Variants in ZNF280B observed in about 807,000 individuals in gnomAD.
ZNF280B encodes the protein zinc finger protein 280B, also known as suppressor of hairy wing homolog 2.
In ZNF280B, 16 loss-of-function variants were observed where a neutral mutation model predicts 38.0. That is an observed-to-expected ratio of 0.42 (90% CI 0.28 to 0.64). The LOEUF is 0.64. ZNF280B is among the 30% of genes least tolerant of loss of function. The probability of loss-of-function intolerance (pLI) is 0.21; values close to 1 mark genes in which losing one functional copy is unlikely to be tolerated. For missense variants in ZNF280B, 581 were observed against 639.6 expected (o/e 0.91, Z 0.99); for synonymous variants, 253 against 230.6 (o/e 1.10, Z -0.88).
rs1190845998 is a variant in ZNF280B at position 22,491,451 on chromosome 22, TTTTTTC to T, written c.-68-1991_-68-1986del. Among the ~76,000 whole-genome samples the T allele has an allele frequency of 2.4e-3, 190 of 78,812 alleles. 1 individual carries two copies. The Middle Eastern group carries it at 0.036, about 15-fold the overall frequency. The allele number at this position is 78,812 out of a possible 152,430, so 51.7% of individuals were successfully genotyped here. ...AATTTTCTATTTCATTTTTCTTGTC[TTTTTTC>T]TTTTTTTTTTTTTTTTTTTGAGACG... On this transcript the variant is annotated intron_variant, in intron 3 of 3. Transcript: ENST00000626650.
At chr22:22,505,893 C>T (rs5751192) in intron 2 of ZNF280B, among the ~76,000 whole-genome samples, 22,557 of 151,850 alleles carry the variant, frequency 0.15, 1,967 homozygotes, top group South Asian at 0.29. Context: ...ATTGCTGTGG[C>T]TACTGTGTGG....
Position 22,489,371 on chromosome 22 carries a change from C to T in ZNF280B, c.28G>A (p.Glu10Lys). 1 of 1,605,714 alleles carries T rather than the reference C, an allele frequency of 6.2e-7. No homozygotes were observed. The highest frequency in any genetic ancestry group is 8.5e-7 in the Non-Finnish European group (1 of 1,177,220). MEQSCEEEKEPEPQKNIQET... is the reference protein window; with the variant it reads MEQSCEEEKKPEPQKNIQET... ...TGTATGTTCTTCTGTGGTTCAGGCTCTTTCTCTTCCTCACATGATTGTTCC... is the reference window on the plus strand; with the variant it reads ...TGTATGTTCTTCTGTGGTTCAGGCTTTTTCTCTTCCTCACATGATTGTTCC... The change falls in exon 4 of 4, where the codon GAG (glutamate) becomes AAG (lysine). Residue 10 changes from glutamate to lysine, a missense_variant. Transcript: ENST00000626650.
At position 22,489,158 on chromosome 22, in the gene ZNF280B, C is replaced by G; in HGVS notation, c.241G>C (p.Asp81His). The change falls in exon 4 of 4, where the codon GAT (aspartate) becomes CAT (histidine). Residue 81 changes from aspartate (D) to histidine (H), a missense_variant. Coordinates refer to ENST00000626650, the MANE Select transcript of ZNF280B (RefSeq NM_080764.4). ...RRKKYDHLRK[D>H]TARKLQPKSH... ...TTAGGCTGCAATTTGCGAGCAGTAT[C>G]TTTTCTAAGGTGATCATACTTTTTT... is the stretch of plus-strand genomic sequence containing the variant. 6.2e-7 allele frequency: 1 copy of G among 1,613,816 alleles called. No individual in the cohort carries two copies. Among genetic ancestry groups the G allele is most frequent in the Non-Finnish European group, 8.5e-7 (1 of 1,179,924 alleles).
rs897117104 is a variant in ZNF280B, at chr22:22,486,998, A to C, written c.*769T>G. The C allele has an allele frequency of 1.3e-5, 2 of 152,056 alleles. No homozygotes were observed. Among genetic ancestry groups the C allele is most frequent in the East Asian group, 2.0e-4 (1 of 5,100 alleles). 9.4% of individuals were successfully genotyped at this position (152,056 alleles called of 1,614,324 possible). On this transcript the variant is annotated 3_prime_UTR_variant, in exon 4 of 4. Coordinates refer to ENST00000626650, the MANE Select transcript of ZNF280B (RefSeq NM_080764.4). ...AATTCGGCAGCAAGTGGGCCAGGGC[A>C]TAACAAAGCCATTCCAGTCTGACTA...
chr22:22,505,669 G>A (rs2061923194), intron 2 of ZNF280B, among the ~76,000 whole-genome samples: 1 of 151,800 alleles, frequency 6.6e-6, no homozygotes, highest in Admixed American at 6.6e-5. Context: ...CTGAGGAGGA[G>A]AATCACTTGA....
chr22:22,500,796 T>A (rs2061800950), intron 2 of ZNF280B, among the ~76,000 whole-genome samples: 1 of 150,856 alleles, frequency 6.6e-6, no homozygotes, highest in Admixed American at 6.6e-5. Context: ...GAGGCGGAGG[T>A]TGCAGTGAGC....
Position 22,488,622 on chromosome 22 carries a change from C to A in ZNF280B, c.777G>T (p.Leu259Phe), listed in dbSNP as rs1320588208. The A allele has an allele frequency of 6.2e-7, 1 of 1,613,750 alleles. No individual in the cohort carries two copies. The highest frequency in any genetic ancestry group is 8.5e-7 in the Non-Finnish European group (1 of 1,179,950). The change falls in exon 4 of 4, where the codon TTG (leucine) becomes TTT (phenylalanine). Residue 259 changes from leucine (L) to phenylalanine (F), a missense_variant. Physicochemically the swap from Leu to Phe is conservative, Grantham distance 22 (BLOSUM62 0). Coordinates refer to ENST00000626650, the MANE Select transcript of ZNF280B (RefSeq NM_080764.4). ...TTAGACTCAAAATGTCTGTTTTTGC[C>A]AATTCATTTGCCCTATCAAGATTTG... Reference protein sequence around the residue: ...INTNLDRANELAKTDILSLTS... With the variant: ...INTNLDRANEFAKTDILSLTS...
intron 2 of ZNF280B, among the ~76,000 whole-genome samples, chr22:22,497,199 C>A (rs2061715366): frequency 9.6e-6 from 1 of 104,552 alleles, no homozygotes; most frequent in African/African-American, 3.7e-5. Flanking sequence ...GAATCTTGGT[C>A]TCCATCTTTA....
chr22:22,502,972 G>A (rs2061855514), intron 2 of ZNF280B, among the ~76,000 whole-genome samples: 1 of 151,912 alleles, frequency 6.6e-6, no homozygotes, highest in Non-Finnish European at 1.5e-5. Flanking sequence ...CATACTCTAG[G>A]AAAAGGTGAT....
chr22:22,500,077 C>G (rs2061785426), intron 2 of ZNF280B, among the ~76,000 whole-genome samples: 1 of 151,878 alleles, frequency 6.6e-6, no homozygotes, highest in South Asian at 2.1e-4. Flanking sequence ...AGTAGGATGA[C>G]TACTATTAAA....
At position 22,486,916 on chromosome 22, in the gene ZNF280B, G is replaced by T. The variant is rs2061509422; in HGVS notation, c.*851C>A. On this transcript the variant is annotated 3_prime_UTR_variant, in exon 4 of 4. Transcript: ENST00000626650. ...AGCTTCTCTTTCAATTCCACATCCT[G>T]GCTTTTCAGAATCTTTTCAGGTTAT... 6.6e-6 allele frequency: 1 copy of T among 151,898 alleles called. No homozygotes were observed. The highest frequency in any genetic ancestry group is 6.6e-5 in the Admixed American group (1 of 15,224). The allele number at this position is 151,898 out of a possible 1,614,324, so 9.4% of individuals were successfully genotyped here. A position where few individuals can be genotyped will look rare whatever the true frequency, so the allele number is the denominator to read the frequency against.
chr22:22,506,496 C>T (rs994072282), intron 2 of ZNF280B, among the ~76,000 whole-genome samples: 1 of 151,666 alleles, frequency 6.6e-6, no homozygotes, highest in Non-Finnish European at 1.5e-5. Context: ...CATTGGTGAC[C>T]TTGACAGCAG....
In ZNF280B at chr22:22,486,231, A is replaced by T. The variant is rs1417283688; in HGVS notation, c.*1536T>A. ...ATAAAGTTGCAAGCTTCACATGTTC[A>T]ATTAGGGTAAGATATATATGCACAG... On this transcript the variant is annotated 3_prime_UTR_variant, in exon 4 of 4. Coordinates refer to ENST00000626650, the MANE Select transcript of ZNF280B (RefSeq NM_080764.4). The T allele has an allele frequency of 6.6e-6, 1 of 152,092 alleles. No individual in the cohort carries two copies. Among genetic ancestry groups the T allele is most frequent in the East Asian group, 2.0e-4 (1 of 5,114 alleles). 9.4% of individuals were successfully genotyped at this position (152,092 alleles called of 1,614,324 possible).
chr22:22,506,315 A>T (rs561718135), intron 2 of ZNF280B, among the ~76,000 whole-genome samples: 20 of 135,428 alleles, frequency 1.5e-4, no homozygotes, highest in African/African-American at 5.9e-4. Context: ...AAAGGAAATT[A>T]AAAAAAAAAC....
intron 2 of ZNF280B, among the ~76,000 whole-genome samples, chr22:22,498,845 T>C (rs1208674069): frequency 8.2e-6 from 1 of 121,390 alleles, no homozygotes; most frequent in Non-Finnish European, 1.6e-5. Flanking sequence ...TCGCCCAGGC[T>C]GGAGTGCAGT....
At position 22,485,733 on chromosome 22, in the gene ZNF280B, C is replaced by T. The variant is rs1450946097; in HGVS notation, c.*2034G>A. ...AAAGGAGTGGGGAGAGATAAGGTAC[C>T]TTTAAAAAGAAATCAAGGAAAAAGG... is the stretch of plus-strand genomic sequence containing the variant. On this transcript the variant is annotated 3_prime_UTR_variant, in exon 4 of 4. Coordinates refer to ENST00000626650, the MANE Select transcript of ZNF280B (RefSeq NM_080764.4). The T allele has an allele frequency of 6.6e-6, 1 of 151,768 alleles. No individual in the cohort carries two copies. The highest frequency in any genetic ancestry group is 1.5e-5 in the Non-Finnish European group (1 of 68,002). The allele number at this position is 151,768 out of a possible 1,614,324, so 9.4% of individuals were successfully genotyped here.
intron 2 of ZNF280B, among the ~76,000 whole-genome samples, chr22:22,503,550 A>G (rs1475650019): frequency 6.6e-6 from 1 of 151,974 alleles, no homozygotes; most frequent in African/African-American, 2.4e-5. Context: ...GAATTAAGCT[A>G]GTATCAGGTG....
rs569374845 is a variant in ZNF280B at position 22,506,673 on chromosome 22, T to G, written c.-187+1137A>C. ...TGGTACAATCAGTATGTTTGCTATA[T>G]TAATGATCTGGAGAGATAGAAAACT... On this transcript the variant is annotated intron_variant, in intron 2 of 3. Coordinates refer to ENST00000626650, the MANE Select transcript of ZNF280B (RefSeq NM_080764.4). 4.6e-5 allele frequency among the ~76,000 whole-genome samples: 7 copies of G among 152,000 alleles called. No individual in the cohort carries two copies. The East Asian group carries it at 1.4e-3, about 30-fold the overall frequency.
chr22:22,502,903 G>A (rs2061854104), intron 2 of ZNF280B, among the ~76,000 whole-genome samples: 1 of 152,048 alleles, frequency 6.6e-6, no homozygotes, highest in East Asian at 2.0e-4. Context: ...GGACTATACA[G>A]GTGGGCCCTA....
Sources: allele counts gnomAD v4.1 joint callset (sites outside exome capture counted in the v4.1 genomes callset), GRCh38; gene constraint gnomAD v4.1.1; transcripts MANE v1.5; gene names NCBI Gene and HGNC (gene_info 2026-07-23, HGNC 2026-07-21).